Variants in HDAC4 observed in about 807,000 individuals in gnomAD.
HDAC4 encodes the protein histone deacetylase 4, also known as histone deacetylase A.
HDAC4 carries 16 observed loss-of-function variants against 135.1 expected under a neutral mutation model. The ratio of observed to expected loss-of-function variants is 0.12; its 90% CI spans 0.08 to 0.18. HDAC4 has a LOEUF of 0.18. HDAC4 is among the 10% of genes least tolerant of loss of function. The pLI is 1.00. For synonymous variants in HDAC4, 685 were observed against 653.4 expected (o/e 1.05, Z -0.74); for missense variants, 1,143 against 1,511.8 (o/e 0.76, Z 4.05).
intron 1 of HDAC4, among the ~76,000 whole-genome samples, chr2:239,374,550 C>T (rs1694868287): frequency 6.7e-6 from 1 of 150,044 alleles, no homozygotes; most frequent in Non-Finnish European, 1.5e-5. Flanking sequence ...ACTACAGGCG[C>T]CCGCCACTAC....
intron 2 of HDAC4, among the ~76,000 whole-genome samples, chr2:239,242,056 AAAAGAG>A (rs1198003203): frequency 6.6e-6 from 1 of 151,498 alleles, no homozygotes; most frequent in Non-Finnish European, 1.5e-5. Context: ...AAAAGAAAAG[AAAAGAG>A]AAAAAGAAAG....
At chr2:239,128,755 CA>C (rs2040370208) in intron 11 of HDAC4, among the ~76,000 whole-genome samples, 1 of 152,200 alleles carries the variant, frequency 6.6e-6, no homozygotes, top group Non-Finnish European at 1.5e-5. Flanking sequence ...TCAGTGTGCA[CA>C]CCATTCAGGG....
intron 1 of HDAC4, among the ~76,000 whole-genome samples, chr2:239,389,107 CTG>C (rs1374491403): frequency 6.6e-6 from 1 of 152,164 alleles, no homozygotes; most frequent in Non-Finnish European, 1.5e-5. Context: ...AATCAGCACT[CTG>C]TAAAAATGCA....
intron 20 of HDAC4, among the ~76,000 whole-genome samples, chr2:239,083,824 A>G (rs1232285616): frequency 6.6e-6 from 1 of 152,188 alleles, no homozygotes; most frequent in African/African-American, 2.4e-5. Context: ...CCAGGCTCCC[A>G]GGCCACACAC....
At chr2:239,199,589 G>A (rs1029833593) in intron 3 of HDAC4, among the ~76,000 whole-genome samples, 1 of 152,126 alleles carries the variant, frequency 6.6e-6, no homozygotes, top group East Asian at 1.9e-4. Context: ...TGTGTTTTCC[G>A]GTCACTGTTT....
rs142660294 is a variant in HDAC4 at position 239,328,332 on chromosome 2, G to A, written c.22+24346C>T. 7.8e-3 allele frequency among the ~76,000 whole-genome samples: 1,193 copies of A among 152,284 alleles called. 15 individuals carry two copies. The highest frequency in any genetic ancestry group is 0.026 in the African/African-American group (1,100 of 41,564). ...AACAAGGGCAGGATGAATGTAGTCC[G>A]GGACCTCCTGACGATCTCAAACGCT... On this transcript the variant is annotated intron_variant, in intron 2 of 26. Transcript: ENST00000543185.
intron 5 of HDAC4, among the ~76,000 whole-genome samples, chr2:239,168,026 G>A (rs2043218496): frequency 6.6e-6 from 1 of 152,182 alleles, no homozygotes; most frequent in Non-Finnish European, 1.5e-5. Context: ...GGAGGGCCGT[G>A]GCCTGGGCCT....
intron 12 of HDAC4, among the ~76,000 whole-genome samples, chr2:239,117,191 C>A (rs912553521): frequency 6.6e-6 from 1 of 152,114 alleles, no homozygotes; most frequent in Non-Finnish European, 1.5e-5. Flanking sequence ...GCGTGGAAGG[C>A]CAGAGAACAG....
At chr2:239,235,515 C>A (rs2047835389) in intron 3 of HDAC4, among the ~76,000 whole-genome samples, 1 of 152,250 alleles carries the variant, frequency 6.6e-6, no homozygotes, top group Admixed American at 6.5e-5. Context: ...CCCTGCAAGG[C>A]CCAGCCACAC....
chr2:239,082,893 T>C (rs1276678610), intron 20 of HDAC4, among the ~76,000 whole-genome samples: 3 of 152,200 alleles, frequency 2.0e-5, no homozygotes, highest in Admixed American at 6.5e-5. Context: ...GTCACCAGGA[T>C]GGGCGGGCGA....
chr2:239,210,252 G>C (rs2046289596), intron 3 of HDAC4, among the ~76,000 whole-genome samples: 1 of 152,136 alleles, frequency 6.6e-6, no homozygotes, highest in South Asian at 2.1e-4. Flanking sequence ...TGGCATGAAA[G>C]TGAACGAATC....
At chr2:239,302,921 G>A (rs1300456108) in intron 2 of HDAC4, among the ~76,000 whole-genome samples, 1 of 152,228 alleles carries the variant, frequency 6.6e-6, no homozygotes, top group Non-Finnish European at 1.5e-5. Flanking sequence ...ACAGCCCCAA[G>A]CAGGGGGCCA....
chr2:239,288,395 G>A (rs888201366), intron 2 of HDAC4, among the ~76,000 whole-genome samples: 2 of 152,170 alleles, frequency 1.3e-5, no homozygotes, highest in Non-Finnish European at 2.9e-5. Flanking sequence ...TGTCAAGGAC[G>A]ACAGAAGGAA....
At chr2:239,078,803 G>A (rs1256955173) in intron 22 of HDAC4, among the ~76,000 whole-genome samples, 1 of 152,176 alleles carries the variant, frequency 6.6e-6, no homozygotes, top group African/African-American at 2.4e-5. Flanking sequence ...TTCACCCCAG[G>A]ACCCAAGAGC....
chr2:239,146,454 C>T lies in HDAC4; in HGVS notation c.734-1740G>A, dbSNP rs755216410. On this transcript the variant is annotated intron_variant, in intron 7 of 26. Transcript: ENST00000543185. This position sits in a 1 kb window ranked among gnomAD's most constrained non-coding sequence, Gnocchi z 4.5. ...AAGGTCTTCCTCAGTGGCTGCCCTG[C>T]CACATAGAGTGGGACACGTGGCATC... is the stretch of plus-strand genomic sequence containing the variant. 5.9e-5 allele frequency among the ~76,000 whole-genome samples: 9 copies of T among 152,100 alleles called. No homozygotes were observed. The highest frequency in any genetic ancestry group is 1.0e-4 in the Non-Finnish European group (7 of 68,018).
chr2:239,077,280 G>C (rs941457507), intron 22 of HDAC4, among the ~76,000 whole-genome samples: 5 of 152,256 alleles, frequency 3.3e-5, no homozygotes, highest in Non-Finnish European at 5.9e-5. Context: ...TGTTCCTTCG[G>C]GACGGCCCTT....
chr2:239,155,778 C>A (rs1176890996), intron 7 of HDAC4, among the ~76,000 whole-genome samples: 3 of 152,156 alleles, frequency 2.0e-5, no homozygotes, highest in Non-Finnish European at 2.9e-5. Flanking sequence ...AAGAGCCGCC[C>A]CCTAGGGAGG....
intron 11 of HDAC4, among the ~76,000 whole-genome samples, chr2:239,128,119 C>CT (rs1002709736): frequency 6.6e-6 from 1 of 152,200 alleles, no homozygotes; most frequent in Non-Finnish European, 1.5e-5. Flanking sequence ...CCCAACCCCA[C>CT]AACTTTCCGG....
chr2:239,064,333 C>T (rs929565061), intron 24 of HDAC4, among the ~76,000 whole-genome samples: 32 of 152,234 alleles, frequency 2.1e-4, no homozygotes, highest in Non-Finnish European at 1.3e-4. Flanking sequence ...TGGCAGCAGC[C>T]CTGCTGGGGG....
Sources: allele counts gnomAD v4.1 joint callset (sites outside exome capture counted in the v4.1 genomes callset), GRCh38; gene constraint gnomAD v4.1.1; non-coding constraint Gnocchi (gnomAD v3.1); transcripts MANE v1.5; gene names NCBI Gene and HGNC (gene_info 2026-07-23, HGNC 2026-07-21).